ANKRD36C: variants seen among roughly 807,000 people sequenced by gnomAD.
The protein encoded by ANKRD36C is ankyrin repeat domain-containing protein 36C.
A neutral mutation model predicts 276.4 loss-of-function variants in ANKRD36C; 61 were observed. The observed-to-expected ratio is 0.22, with a 90% confidence interval of 0.18 to 0.27. The LOEUF (loss-of-function observed/expected upper bound fraction) is 0.27. Among genes scored for constraint, ANKRD36C ranks in the 10% least tolerant of loss-of-function variants. The pLI, the probability that ANKRD36C is intolerant of heterozygous loss-of-function variation, is 1.00. For missense variants in ANKRD36C, 1,447 were observed against 2,032.3 expected (o/e 0.71, Z 5.54); for synonymous variants, 483 against 680.1 (o/e 0.71, Z 4.51).
chr2:95,908,089 G>C (rs1676795903), intron 42 of ANKRD36C, among the ~76,000 whole-genome samples: 1 of 150,734 alleles, frequency 6.6e-6, no homozygotes. Context: ...GGTCTCCTTA[G>C]TTCTCCTAAC....
At chr2:95,967,754 G>A (rs1385115466) in intron 6 of ANKRD36C, among the ~76,000 whole-genome samples, 1 of 151,942 alleles carries the variant, frequency 6.6e-6, no homozygotes, top group Non-Finnish European at 1.5e-5. Context: ...CCAGGAGTTT[G>A]AAAACAGACT....
chr2:95,864,576 G>T (rs1675647032), intron 60 of ANKRD36C, among the ~76,000 whole-genome samples: 1 of 151,860 alleles, frequency 6.6e-6, no homozygotes, highest in African/African-American at 2.4e-5. Context: ...GCAAGAAAAA[G>T]AAATAAGAGG....
At chr2:95,854,401 C>A (rs982884112) in intron 63 of ANKRD36C, among the ~76,000 whole-genome samples, 35 of 151,918 alleles carry the variant, frequency 2.3e-4, no homozygotes, top group Admixed American at 5.9e-4. Context: ...TCACTCCATT[C>A]CTACTCTACG....
intron 61 of ANKRD36C, among the ~76,000 whole-genome samples, chr2:95,859,295 G>A (rs888944012): frequency 6.6e-6 from 1 of 152,082 alleles, no homozygotes; most frequent in Non-Finnish European, 1.5e-5. Flanking sequence ...GCCTACCAAA[G>A]TGCTGGGATT....
chr2:95,855,079 A>G (rs1675377705), intron 63 of ANKRD36C, among the ~76,000 whole-genome samples, 187 bp downstream of exon 83: 1 of 152,182 alleles, frequency 6.6e-6, no homozygotes, highest in Non-Finnish European at 1.5e-5. Flanking sequence ...ATTAACTTTA[A>G]TCAGAGGAAA....
At chr2:95,987,316 T>C in intron 1 of ANKRD36C, 110 bp from the exon 2 acceptor site, 1 of 1,472,260 alleles carries the variant, frequency 6.8e-7, no homozygotes, top group Non-Finnish European at 9.0e-7. Context: ...AAAGTACATT[T>C]GTTAGCGCTT....
chr2:95,986,993 A>G, intron 2 of ANKRD36C, 69 bp from the exon 3 acceptor site: 3 of 1,606,208 alleles, frequency 1.9e-6, no homozygotes, highest in Non-Finnish European at 2.6e-6. Context: ...AGGATTTCCT[A>G]CTAGTTATAT....
intron 62 of ANKRD36C, 84 bp downstream of exon 82, chr2:95,857,225 A>C: frequency 1.3e-6 from 2 of 1,519,966 alleles, no homozygotes; most frequent in Non-Finnish European, 1.8e-6. Context: ...GTTCAGGCCT[A>C]AATAATGTAC....
chr2:95,921,911 T>C, intron 32 of ANKRD36C, 101 bp from the exon 33 acceptor site: 1 of 1,248,222 alleles, frequency 8.0e-7, no homozygotes, highest in Non-Finnish European at 1.1e-6. Context: ...CCTGTATTAG[T>C]GTAGGCTTTG....
chr2:95,941,614 T>A, intron 19 of ANKRD36C, among the ~76,000 whole-genome samples: 1 of 152,274 alleles, frequency 6.6e-6, no homozygotes, highest in East Asian at 1.9e-4. Context: ...CACAATAACG[T>A]GGTAAAACTT....
Position 95,923,524 on chromosome 2 carries a change from T to C in ANKRD36C, c.2114A>G (p.Glu705Gly), listed in dbSNP as rs763352219. The C allele has an allele frequency of 3.1e-6, 5 of 1,610,922 alleles. No homozygotes were observed. The African/African-American group carries it at 5.4e-5, about 17-fold the overall frequency. ...CCCACATTGTAGTCCATCCTTTATT[T>C]CTGTAGCTATATTCAAAGCAGAATC... Residue 705 changes from glutamate (E) to glycine (G), a missense_variant, in exon 32 of 67, where the codon GAA (glutamate) becomes GGA (glycine). Glu to Gly is a moderately conservative substitution (Grantham distance 98, BLOSUM62 -2). Around this residue, in one of 13 missense-constraint regions of ANKRD36C, gnomAD observed 565 missense variants for 539.5 expected, o/e 1.05. Coordinates refer to ENST00000456556, the Ensembl canonical transcript of ANKRD36C.
At chr2:95,989,905 G>GA (rs900533822) in intron 1 of ANKRD36C, among the ~76,000 whole-genome samples, 130 of 149,706 alleles carry the variant, frequency 8.7e-4, no homozygotes, top group African/African-American at 2.4e-3. Context: ...TTGAATATCT[G>GA]AAAAAAAAAT....
At chr2:95,958,401 C>G (rs1247690481) in intron 12 of ANKRD36C, among the ~76,000 whole-genome samples, 190 bp downstream of exon 12, 1 of 152,046 alleles carries the variant, frequency 6.6e-6, no homozygotes, top group Non-Finnish European at 1.5e-5. Flanking sequence ...AGTCTATAAT[C>G]TTACTACTCA....
At chr2:95,861,486 A>C (rs1378787676) in intron 60 of ANKRD36C, among the ~76,000 whole-genome samples, 1 of 151,868 alleles carries the variant, frequency 6.6e-6, no homozygotes, top group Non-Finnish European at 1.5e-5. Context: ...AAAAATGAAA[A>C]TGTATCATTG....
intron 34 of ANKRD36C, 131 bp from the exon 37 acceptor site, chr2:95,918,173 G>A: frequency 2.1e-6 from 3 of 1,418,744 alleles, no homozygotes; most frequent in East Asian, 2.5e-5. Flanking sequence ...CTTCTACTTT[G>A]TGTCTTGGGA....
chr2:95,919,785 A>G (rs1303654581), intron 34 of ANKRD36C: 1 of 1,399,758 alleles, frequency 7.1e-7, no homozygotes, highest in Non-Finnish European at 9.6e-7. Flanking sequence ...TCAAAACAGA[A>G]TCTTCCTCGT....
chr2:95,942,418 A>G (rs1193044051), intron 19 of ANKRD36C, among the ~76,000 whole-genome samples: 1 of 152,302 alleles, frequency 6.6e-6, no homozygotes. Flanking sequence ...ACAGTTATCT[A>G]AACCAATAAT....
intron 56 of ANKRD36C, 53 bp downstream of exon 76, chr2:95,882,249 C>G: frequency 6.5e-7 from 1 of 1,544,792 alleles, no homozygotes; most frequent in Non-Finnish European, 8.8e-7. Flanking sequence ...AGGGGTGGGA[C>G]ATTGTCTTCT....
chr2:95,925,562 A>G lies in ANKRD36C; in HGVS notation c.1940-15T>C, dbSNP rs1677380801. On this transcript the variant is annotated splice_polypyrimidine_tract_variant and intron_variant, in intron 28 of 66. Coordinates refer to ENST00000456556, the Ensembl canonical transcript of ANKRD36C. ...CTGAGGAGACACTGAAAAGTAAAAG[A>G]AATATATAATTCATCATATGTAAAT... The G allele has an allele frequency of 6.5e-7, 1 of 1,540,448 alleles. No homozygotes were observed.
Sources: gnomAD v4.1 joint callset for allele counts (sites outside exome capture counted in the v4.1 genomes callset) on GRCh38, gnomAD v4.1.1 for gene constraint, gnomAD v4.1.1 regional missense constraint, MANE v1.5 for transcripts, NCBI Gene and HGNC (gene_info 2026-07-23, HGNC 2026-07-21) for gene names.